ICA1L: variants seen among roughly 807,000 people sequenced by gnomAD.
ICA1L encodes islet cell autoantigen 1-like protein.
ICA1L carries 50 observed loss-of-function variants against 61.3 expected under a neutral mutation model. The ratio of observed to expected loss-of-function variants is 0.82; its 90% confidence interval spans 0.65 to 1.03. The LOEUF is 1.03. Among genes scored for constraint, ICA1L ranks in the 50% least tolerant of loss-of-function variants. The probability of loss-of-function intolerance (pLI) is 0.00; values close to 1 mark genes in which losing one functional copy is unlikely to be tolerated. For synonymous variants in ICA1L, 161 were observed against 191.3 expected (o/e 0.84, Z 1.31); for missense variants, 508 against 556.7 (o/e 0.91, Z 0.88).
At chr2:202,869,158 G>A (rs1234737569) in intron 1 of ICA1L, among the ~76,000 whole-genome samples, 1 of 152,094 alleles carries the variant, frequency 6.6e-6, no homozygotes, top group Non-Finnish European at 1.5e-5. Flanking sequence ...AGGAGATCGA[G>A]ACCATCCTGG....
intron 1 of ICA1L, among the ~76,000 whole-genome samples, chr2:202,838,083 A>G (rs541183510): frequency 6.6e-6 from 1 of 151,866 alleles, no homozygotes; most frequent in Non-Finnish European, 1.5e-5. Context: ...CGATCTCCTG[A>G]CCTCAGGTGG....
rs1693556001 is a variant in ICA1L, at chr2:202,816,950, A to C, written c.684+468T>G. Among the ~76,000 whole-genome samples, 2 of 152,234 alleles carry C rather than the reference A, an allele frequency of 1.3e-5. 1 individual carries two copies. Among genetic ancestry groups the C allele is most frequent in the Admixed American group, 1.3e-4 (2 of 15,278 alleles). On this transcript the variant is annotated intron_variant, in intron 6 of 12. Transcript: ENST00000358299. ...AGAATGAAAAGAACATATAACTTAG[A>C]AATAGAAAACTTTGGTTTCTAAGCC... is the stretch of plus-strand genomic sequence containing the variant.
rs1252006456 is a variant in ICA1L, at chr2:202,786,057, G to A, written c.1244-50C>T. The A allele has an allele frequency of 3.8e-6, 4 of 1,044,778 alleles. No individual in the cohort carries two copies. The Admixed American group carries it at 5.9e-5, about 16-fold the overall frequency. The allele number at this position is 1,044,778 out of a possible 1,614,324, so 64.7% of individuals were successfully genotyped here. ...TCCATTGTTAATCAAATAGGAAGCA[G>A]CATCAGAAAAACAAGAAAAGGTAAA... On this transcript the variant is annotated intron_variant, in intron 11 of 12. Coordinates refer to ENST00000358299, the MANE Select transcript of ICA1L (RefSeq NM_001288622.3).
intron 10 of ICA1L, among the ~76,000 whole-genome samples, chr2:202,792,977 C>T (rs773297536): frequency 5.3e-5 from 8 of 152,180 alleles, no homozygotes; most frequent in Admixed American, 1.3e-4. Context: ...TTACTAATTA[C>T]CTACGGCTTG....
chr2:202,869,890 C>T (rs1418436526), intron 1 of ICA1L, among the ~76,000 whole-genome samples: 1 of 151,622 alleles, frequency 6.6e-6, no homozygotes, highest in African/African-American at 2.4e-5. Flanking sequence ...CCGAAAAAAA[C>T]ACAAAACTTA....
chr2:202,844,828 A>G (rs1248265951), intron 1 of ICA1L, among the ~76,000 whole-genome samples: 3 of 152,230 alleles, frequency 2.0e-5, no homozygotes, highest in South Asian at 2.1e-4. Flanking sequence ...ACTTACAACA[A>G]AATTAATTTA....
At chr2:202,780,298 T>C (rs1187941609) in intron 12 of ICA1L, among the ~76,000 whole-genome samples, 1 of 152,160 alleles carries the variant, frequency 6.6e-6, no homozygotes, top group Non-Finnish European at 1.5e-5. Flanking sequence ...TGTTATGTCT[T>C]TTCCATGTGC....
intron 1 of ICA1L, among the ~76,000 whole-genome samples, chr2:202,862,919 G>A (rs1468065930): frequency 6.6e-6 from 1 of 151,892 alleles, no homozygotes; most frequent in African/African-American, 2.4e-5. Context: ...TAAACTGAAT[G>A]ATAATAAAAA....
At chr2:202,859,840 C>G (rs1421453904) in intron 1 of ICA1L, among the ~76,000 whole-genome samples, 2 of 152,166 alleles carry the variant, frequency 1.3e-5, no homozygotes, top group Non-Finnish European at 2.9e-5. Flanking sequence ...ACTTTTTAAA[C>G]ATTTTCACAC....
chr2:202,860,273 A>AAGTAATAATAAT (rs1694874709), intron 1 of ICA1L: 4 of 111,526 alleles, frequency 3.6e-5, no homozygotes, highest in Non-Finnish European at 8.0e-5. Flanking sequence ...CTCTGTCTCA[A>AAGTAATAATAAT]AATAATAATA....
At chr2:202,816,905 G>GT (rs1368397782) in intron 6 of ICA1L, among the ~76,000 whole-genome samples, 5 of 152,172 alleles carry the variant, frequency 3.3e-5, no homozygotes, top group African/African-American at 9.7e-5. Flanking sequence ...GGTTAAAGTG[G>GT]TATGGGATGG....
At position 202,774,584 on chromosome 2, in the gene ICA1L, G is replaced by C. The variant is rs1333200897; in HGVS notation, c.*4949C>G. On this transcript the variant is annotated 3_prime_UTR_variant, in exon 13 of 13. Transcript: ENST00000358299. ...ATACTCACAGGTCCTAGAGAGACCA[G>C]TCACTGCATGCTGAGAGGGGGTCAC... is the stretch of plus-strand genomic sequence containing the variant. 2 of 314,778 alleles carry C rather than the reference G, an allele frequency of 6.4e-6. No homozygotes were observed. Among genetic ancestry groups the C allele is most frequent in the Non-Finnish European group, 1.1e-5 (2 of 173,974 alleles). 19.5% of individuals were successfully genotyped at this position (314,778 alleles called of 1,614,324 possible).
chr2:202,820,025 C>T, intron 4 of ICA1L, 126 bp from the exon 5 acceptor site: 1 of 706,634 alleles, frequency 1.4e-6, no homozygotes, highest in South Asian at 1.9e-5. Context: ...TTATTCAGTT[C>T]CTAAGGAGAT....
rs1694083687 is a variant in ICA1L at position 202,834,055 on chromosome 2, G to C, written c.-7-5039C>G. ...AGATATCTATGAGGCAGGATTTTTAGTGTTCTTACCACAAAAAAAGATGAG... is the reference window on the plus strand; with the variant it reads ...AGATATCTATGAGGCAGGATTTTTACTGTTCTTACCACAAAAAAAGATGAG... On this transcript the variant is annotated intron_variant, in intron 1 of 12. Transcript: ENST00000358299. Among the ~76,000 whole-genome samples the C allele has an allele frequency of 2.0e-5, 3 of 152,028 alleles. No homozygotes were observed. The South Asian group carries it at 6.2e-4, about 32-fold the overall frequency.
chr2:202,829,366 A>C, intron 1 of ICA1L: 1 of 158,698 alleles, frequency 6.3e-6, no homozygotes, highest in Non-Finnish European at 1.4e-5. Flanking sequence ...AAAAACAAAA[A>C]ACAAACAAAC....
In ICA1L at chr2:202,776,548, T is replaced by G. The variant is rs987533960; in HGVS notation, c.*2985A>C. The G allele has an allele frequency of 6.6e-6, 1 of 152,226 alleles. No individual in the cohort carries two copies. Among genetic ancestry groups the G allele is most frequent in the Non-Finnish European group, 1.5e-5 (1 of 68,044 alleles). The allele number at this position is 152,226 out of a possible 1,614,324, so 9.4% of individuals were successfully genotyped here. A position where few individuals can be genotyped will look rare whatever the true frequency, so the allele number is the denominator to read the frequency against. On this transcript the variant is annotated 3_prime_UTR_variant, in exon 13 of 13. Transcript: ENST00000358299. ...CCCTCGTTTCTTCAGTGTGGTGGTT[T>G]TTTATATTAGCAGTATTGGTTTAAT...
chr2:202,844,532 C>A (rs1375596616), intron 1 of ICA1L: 1 of 152,120 alleles, frequency 6.6e-6, no homozygotes, highest in African/African-American at 2.4e-5. Flanking sequence ...CATAACCGAG[C>A]ACTAAAATTA....
intron 1 of ICA1L, among the ~76,000 whole-genome samples, chr2:202,869,281 C>T (rs902046282): frequency 6.6e-6 from 1 of 152,080 alleles, no homozygotes; most frequent in African/African-American, 2.4e-5. Context: ...TGGCGTGAAC[C>T]CGGGAGGCGG....
rs1260962155 is a variant in ICA1L at position 202,775,273 on chromosome 2, TGCAGG to T, written c.*4255_*4259del. ...TGCTTCATTGCTCAAGGTAGAGAAA[TGCAGG>T]GCCCTGCCAACACTATGGAAGACAA... is the stretch of plus-strand genomic sequence containing the variant. On this transcript the variant is annotated 3_prime_UTR_variant, in exon 13 of 13. Coordinates refer to ENST00000358299, the MANE Select transcript of ICA1L (RefSeq NM_001288622.3). 1.3e-5 allele frequency: 2 copies of T among 152,222 alleles called. No homozygotes were observed. The highest frequency in any genetic ancestry group is 6.5e-5 in the Admixed American group (1 of 15,276). The allele number at this position is 152,222 out of a possible 1,614,324, so 9.4% of individuals were successfully genotyped here.
Sources: allele counts gnomAD v4.1 joint callset (sites outside exome capture counted in the v4.1 genomes callset), GRCh38; gene constraint gnomAD v4.1.1; transcripts MANE v1.5; gene names NCBI Gene and HGNC (gene_info 2026-07-23, HGNC 2026-07-21).